Variants in LMO7 observed in about 807,000 individuals in gnomAD.
The protein encoded by LMO7 is LIM domain 7, also known as LIM domain only protein 7.
LMO7 carries 120 observed loss-of-function variants against 206.5 expected under a neutral mutation model. The observed-to-expected ratio is 0.58, with a 90% confidence interval of 0.50 to 0.68. The LOEUF (loss-of-function observed/expected upper bound fraction) is 0.68. Among genes scored for constraint, LMO7 ranks in the 30% least tolerant of loss-of-function variants. LMO7 has a pLI of 0.00. For synonymous variants in LMO7, 706 were observed against 681.5 expected, an observed-to-expected ratio of 1.04 and a Z score of -0.56; for missense variants, 1,959 against 1,957.9, an observed-to-expected ratio of 1.00 and a Z score of -0.01.
Position 75,833,128 on chromosome 13 carries a change from G to C in LMO7, c.3027G>C (p.Trp1009Cys). The change falls in exon 16 of 31, where the codon TGG (tryptophan) becomes TGC (cysteine). Residue 1009 changes from tryptophan to cysteine, a missense_variant. By Grantham distance (215) the Trp-to-Cys change is radical. Transcript: ENST00000377534. ...TTGACTTTGGGTTTACAATAAAATGGGATATTCCTGGGATCTTCGTAGCAT... is the reference window on the plus strand; with the variant it reads ...TTGACTTTGGGTTTACAATAAAATGCGATATTCCTGGGATCTTCGTAGCAT... ...KSLDFGFTIK[W>C]DIPGIFVASV... 6.2e-7 allele frequency: 1 copy of C among 1,608,138 alleles called. No homozygotes were observed. Among genetic ancestry groups the C allele is most frequent in the Non-Finnish European group, 8.5e-7 (1 of 1,174,738 alleles).
At chr13:75,843,964 G>T (rs751720049) in intron 25 of LMO7, among the ~76,000 whole-genome samples, 1 of 152,168 alleles carries the variant, frequency 6.6e-6, no homozygotes, top group Non-Finnish European at 1.5e-5. Context: ...AAAATCTAGT[G>T]ATAGATGACC....
chr13:75,854,550 C>T (rs562404177), intron 28 of LMO7, among the ~76,000 whole-genome samples: 2 of 152,042 alleles, frequency 1.3e-5, no homozygotes, highest in Admixed American at 6.6e-5. Context: ...TCTTAAGCGC[C>T]GTGCTCATGC....
At chr13:75,818,212 T>C (rs1421539966) in intron 12 of LMO7, among the ~76,000 whole-genome samples, 1 of 152,216 alleles carries the variant, frequency 6.6e-6, no homozygotes, top group Non-Finnish European at 1.5e-5. Context: ...TATTACGGGC[T>C]TATCTATTAG....
chr13:75,846,927 A>C (rs35254061), intron 26 of LMO7, among the ~76,000 whole-genome samples: 17,107 of 151,320 alleles, frequency 0.11, 1,283 homozygotes, highest in African/African-American at 0.22. Context: ...GCTACTCAGG[A>C]GGATGAGGCA....
intron 1 of LMO7, among the ~76,000 whole-genome samples, chr13:75,702,802 A>G (rs747426482): frequency 3.4e-4 from 51 of 152,192 alleles, no homozygotes; most frequent in Non-Finnish European, 8.8e-5. Flanking sequence ...TCATTAAATA[A>G]TTTTTGAATG....
At chr13:75,642,763 T>G (rs1856574350) in intron 1 of LMO7, among the ~76,000 whole-genome samples, 1 of 152,212 alleles carries the variant, frequency 6.6e-6, no homozygotes, top group Non-Finnish European at 1.5e-5. Context: ...GGCACCATTT[T>G]CTCCACATTC....
At chr13:75,663,432 C>CTTTCTTTCTTTCTTTCTTTCTTT (rs1555289857) in intron 1 of LMO7, among the ~76,000 whole-genome samples, 1 of 111,406 alleles carries the variant, frequency 9.0e-6, no homozygotes, top group East Asian at 2.5e-4. Context: ...TTCTTTCTTT[C>CTTTCTTTCTTTCTTTCTTTCTTT]TTTTTTTTTT....
chr13:75,755,436 C>T (rs1034476219), intron 3 of LMO7, among the ~76,000 whole-genome samples: 3 of 152,032 alleles, frequency 2.0e-5, no homozygotes, highest in Non-Finnish European at 2.9e-5. Context: ...TATCTGGATG[C>T]CAGGTATTTT....
At chr13:75,738,777 A>C (rs1055865261) in intron 3 of LMO7, among the ~76,000 whole-genome samples, 1 of 152,350 alleles carries the variant, frequency 6.6e-6, no homozygotes, top group East Asian at 1.9e-4. Flanking sequence ...AAGAAGAGCT[A>C]TTGAACCAGA....
chr13:75,858,392 A>AT lies in LMO7; in HGVS notation c.*449_*450insT, dbSNP rs2061124363. 6.5e-6 allele frequency: 1 copy of AT among 153,306 alleles called. No individual in the cohort carries two copies. Among genetic ancestry groups the AT allele is most frequent in the South Asian group, 2.1e-4 (1 of 4,852 alleles). 9.5% of individuals were successfully genotyped at this position (153,306 alleles called of 1,614,324 possible). A position where few individuals can be genotyped will look rare whatever the true frequency, so the allele number is the denominator to read the frequency against. On this transcript the variant is annotated 3_prime_UTR_variant, in exon 31 of 31. Coordinates refer to ENST00000377534, the MANE Select transcript of LMO7 (RefSeq NM_001306080.2). ...GTAATGTATTCTAAATTAATGCAGA[A>AT]CCATATGGAAAATTTCATTAAAATC...
At chr13:75,623,488 C>T (rs1344981015) in intron 2 of LMO7, among the ~76,000 whole-genome samples, 5 of 151,824 alleles carry the variant, frequency 3.3e-5, no homozygotes, top group Admixed American at 6.6e-5. Context: ...CTCAGCCTCC[C>T]GAGTAGCTGG....
In LMO7 at chr13:75,739,872, G is replaced by A. The variant is rs1594670331; in HGVS notation, c.210+12774G>A. Among the ~76,000 whole-genome samples, 3 of 152,300 alleles carry A rather than the reference G, an allele frequency of 2.0e-5. 1 individual carries two copies. In the Middle Eastern group the frequency reaches 0.01, roughly 518 times the overall value. On this transcript the variant is annotated intron_variant, in intron 3 of 30. Coordinates refer to ENST00000377534, the MANE Select transcript of LMO7 (RefSeq NM_001306080.2). Reference sequence around the variant, plus strand: ...CTTATTCTCTCTTCAGGAGGAGAGGGGAGGTTTGTGGGACCCTGGAGCTTG... The same window carrying A: ...CTTATTCTCTCTTCAGGAGGAGAGGAGAGGTTTGTGGGACCCTGGAGCTTG...
At chr13:75,713,960 G>T (rs2043318569) in intron 2 of LMO7, among the ~76,000 whole-genome samples, 1 of 152,202 alleles carries the variant, frequency 6.6e-6, no homozygotes, top group Non-Finnish European at 1.5e-5. Context: ...TGAAGGTAGA[G>T]GTTGCAGAAG....
chr13:75,793,556 A>G (rs2053595690), intron 4 of LMO7, among the ~76,000 whole-genome samples: 1 of 152,190 alleles, frequency 6.6e-6, no homozygotes. Context: ...GATTACAGGC[A>G]TGAGCCATTG....
chr13:75,834,203 G>A lies in LMO7; in HGVS notation c.3065-23G>A, dbSNP rs565788061. ...CATGTGGGATTTTTTTCCCCAATTG[G>A]TTAATTTATTTTGCATTTTTAGGTA... On this transcript the variant is annotated intron_variant, in intron 16 of 30. Transcript: ENST00000377534. The A allele has an allele frequency of 5.8e-6, 9 of 1,549,038 alleles. No homozygotes were observed. The South Asian group carries it at 9.9e-5, about 17-fold the overall frequency.
chr13:75,805,398 T>A, intron 8 of LMO7, 81 bp from the exon 9 acceptor site: 1 of 1,445,718 alleles, frequency 6.9e-7, no homozygotes, highest in Non-Finnish European at 9.5e-7. Context: ...GTGTAAACTT[T>A]GTGAACCAGA....
chr13:75,847,090 A>T (rs961052811), intron 26 of LMO7, among the ~76,000 whole-genome samples: 2 of 151,844 alleles, frequency 1.3e-5, no homozygotes, highest in African/African-American at 2.4e-5. Flanking sequence ...TAAGCTTTGT[A>T]TGTACACAAA....
chr13:75,695,873 G>T (rs1457672748), intron 1 of LMO7, among the ~76,000 whole-genome samples: 1 of 152,164 alleles, frequency 6.6e-6, no homozygotes, highest in Non-Finnish European at 1.5e-5. Flanking sequence ...ACTATTACTT[G>T]ATGATGTGTT....
At chr13:75,692,100 C>T (rs1219524698) in intron 1 of LMO7, among the ~76,000 whole-genome samples, 2 of 152,206 alleles carry the variant, frequency 1.3e-5, no homozygotes, top group Non-Finnish European at 2.9e-5. Flanking sequence ...CCTCCTCCTG[C>T]ATTATGTAGT....
Sources: allele counts gnomAD v4.1 joint callset (sites outside exome capture counted in the v4.1 genomes callset), GRCh38; gene constraint gnomAD v4.1.1; transcripts MANE v1.5; gene names NCBI Gene and HGNC (gene_info 2026-07-23, HGNC 2026-07-21).